Variants in SPEN observed in about 807,000 individuals in gnomAD.
SPEN encodes spen family transcriptional repressor, also known as msx2-interacting protein.
In SPEN, 18 loss-of-function variants were observed where a neutral mutation model predicts 269.9. The observed-to-expected ratio is 0.07, with a 90% CI of 0.05 to 0.10. SPEN has a LOEUF of 0.10. Ranked by LOEUF, SPEN falls within the 10% of genes least tolerant of loss-of-function variation. The pLI is 1.00. For synonymous variants in SPEN, 1,726 were observed against 1,765.7 expected (o/e 0.98, Z 0.56); for missense variants, 3,822 against 4,631.2 (o/e 0.83, Z 5.07).
In SPEN at chr1:15,932,746, T is replaced by A. The variant is rs904085512; in HGVS notation, c.6506T>A (p.Met2169Lys). The change falls in exon 11 of 15, where the codon ATG becomes AAG. Residue 2169 changes from methionine to lysine, a missense_variant. By Grantham distance (95) the Met-to-Lys change is moderately conservative. Around this residue, in one of 16 missense-constraint regions of SPEN, gnomAD observed 727 missense variants for 737.9 expected, o/e 0.99. Transcript: ENST00000375759. This position sits in a 1 kb window ranked among gnomAD's most constrained non-coding sequence, Gnocchi z 4.2. ...SPEATQLAKQ[M>K]ELEQAVEHIA... ...GAAGCCACCCAGTTAGCCAAGCAGA[T>A]GGAGCTGGAGCAGGCCGTGGAACAC... 28 of 1,614,128 alleles carry A rather than the reference T, an allele frequency of 1.7e-5. No individual in the cohort carries two copies. Among genetic ancestry groups the A allele is most frequent in the Non-Finnish European group, 2.3e-5 (27 of 1,180,010 alleles).
rs759069846 is a variant in SPEN at position 15,933,360 on chromosome 1, A to G, written c.7120A>G (p.Thr2374Ala). 5.0e-6 allele frequency: 8 copies of G among 1,614,048 alleles called. No individual in the cohort carries two copies. The highest frequency in any genetic ancestry group is 1.3e-5 in the African/African-American group (1 of 74,908). The change falls in exon 11 of 15, where the codon ACA becomes GCA. Residue 2374 changes from threonine to alanine, a missense_variant. Coordinates refer to ENST00000375759, the MANE Select transcript of SPEN (RefSeq NM_015001.3). This position sits in a 1 kb window ranked among gnomAD's most constrained non-coding sequence, Gnocchi z 5.7. ...GAGTCCTGCTGCAAATGAGGGGACA[A>G]CAGTACAGCACCCCGAAGCCCCACA... ...GESPAANEGTTVQHPEAPQEE... is the reference protein window; with the variant it reads ...GESPAANEGTAVQHPEAPQEE...
intron 10 of SPEN, 115 bp downstream of exon 10, chr1:15,922,464 T>C: frequency 1.5e-6 from 1 of 646,822 alleles, no homozygotes; most frequent in Non-Finnish European, 2.6e-6. Flanking sequence ...TCTTCTAGAA[T>C]AGAGAATGCT....
intron 3 of SPEN, among the ~76,000 whole-genome samples, chr1:15,898,272 T>G (rs1457791766): frequency 1.3e-5 from 2 of 151,420 alleles, no homozygotes; most frequent in Non-Finnish European, 2.9e-5. Context: ...TTAAATACAT[T>G]GACATTATTT....
chr1:15,933,564 G>A lies in SPEN; in HGVS notation c.7324G>A (p.Glu2442Lys). The stretch of plus-strand genomic sequence containing the variant: ...ACCTCCCCAGCCAGCACCGGTGGAT[G>A]AGGAGCCTCAAGCCAGGTTCAGGGT... ...PPPPQPAPVD[E>K]EPQARFRVHS... Residue 2442 changes from glutamate to lysine, a missense_variant, in exon 11 of 15, where the codon GAG becomes AAG. Glu to Lys is a moderately conservative substitution (Grantham distance 56). Around this residue, in one of 16 missense-constraint regions of SPEN, gnomAD observed 727 missense variants for 737.9 expected, o/e 0.99. Transcript: ENST00000375759. This position sits in a 1 kb window ranked among gnomAD's most constrained non-coding sequence, Gnocchi z 5.7. 3 of 1,613,992 alleles carry A rather than the reference G, an allele frequency of 1.9e-6. No individual in the cohort carries two copies. Among genetic ancestry groups the A allele is most frequent in the Non-Finnish European group, 1.7e-6 (2 of 1,179,936 alleles).
rs1557761890 is a variant in SPEN, at chr1:15,934,328, T to A, written c.8088T>A (p.Pro2696=). Residue 2696 remains proline (P), a synonymous_variant, in exon 11 of 15, where the codon CCT becomes CCA. Coordinates refer to ENST00000375759, the MANE Select transcript of SPEN (RefSeq NM_015001.3). The surrounding 1 kb of genome is among the most constrained non-coding windows in gnomAD (Gnocchi z 9.2). ...PAGPVNVLKG[P]VNVLTGPVNV... is the part of the protein sequence containing the mutation. Reference sequence around the variant, plus strand: ...GGCCCGTGAACGTCCTGAAAGGGCCTGTGAATGTTCTTACGGGGCCAGTGA... The same window carrying A: ...GGCCCGTGAACGTCCTGAAAGGGCCAGTGAATGTTCTTACGGGGCCAGTGA... The A allele has an allele frequency of 6.2e-7, 1 of 1,613,878 alleles. No homozygotes were observed. The highest frequency in any genetic ancestry group is 8.5e-7 in the Non-Finnish European group (1 of 1,180,032).
chr1:15,853,985 G>C (rs1382972790), intron 1 of SPEN, among the ~76,000 whole-genome samples: 1 of 151,900 alleles, frequency 6.6e-6, no homozygotes, highest in Non-Finnish European at 1.5e-5. Flanking sequence ...ATTTTTATTA[G>C]AGTTGGGGTT....
rs888313017 is a variant in SPEN, at chr1:15,874,249, T to C, written c.404+1113T>C. The C allele has an allele frequency of 2.2e-6, 3 of 1,366,364 alleles. No homozygotes were observed. The African/African-American group carries it at 4.4e-5, about 20-fold the overall frequency. The allele number at this position is 1,366,364 out of a possible 1,614,324, so 84.6% of individuals were successfully genotyped here. The stretch of plus-strand genomic sequence containing the variant: ...GGTCACTAAGATTTTTTTTTTCTTG[T>C]GGTTCATCTAAATATCATTTGACAC... On this transcript the variant is annotated intron_variant, in intron 2 of 14. Coordinates refer to ENST00000375759, the MANE Select transcript of SPEN (RefSeq NM_015001.3).
At chr1:15,907,208 G>A (rs1383167084) in intron 3 of SPEN, among the ~76,000 whole-genome samples, 1 of 152,170 alleles carries the variant, frequency 6.6e-6, no homozygotes, top group Non-Finnish European at 1.5e-5. Flanking sequence ...GCGGCTGGAT[G>A]TGTTGGCTCA....
chr1:15,876,398 T>A lies in SPEN; in HGVS notation c.601T>A (p.Tyr201Asn). The A allele has an allele frequency of 6.2e-7, 1 of 1,614,042 alleles. No homozygotes were observed. The highest frequency in any genetic ancestry group is 1.3e-5 in the African/African-American group (1 of 74,992). ...TCGCTTTGATGCTCATGACCCCCGATATGAACCTAGGGCTCGCGAGCAGTT... is the reference window on the plus strand; with the variant it reads ...TCGCTTTGATGCTCATGACCCCCGAAATGAACCTAGGGCTCGCGAGCAGTT... ...PNRFDAHDPR[Y>N]EPRAREQFTL... Residue 201 changes from tyrosine to asparagine, a missense_variant, in exon 3 of 15, where the codon TAT (tyrosine) becomes AAT (asparagine). Coordinates refer to ENST00000375759, the MANE Select transcript of SPEN (RefSeq NM_015001.3).
chr1:15,911,848 C>G (rs1253280858), intron 5 of SPEN, among the ~76,000 whole-genome samples: 1 of 152,186 alleles, frequency 6.6e-6, no homozygotes, highest in East Asian at 1.9e-4. Context: ...GTAATCCCAG[C>G]TACTTGGGAG....
chr1:15,860,359 C>T (rs1281321940), intron 1 of SPEN, among the ~76,000 whole-genome samples: 1 of 148,584 alleles, frequency 6.7e-6, no homozygotes. Flanking sequence ...CTCATCTCAG[C>T]CTCCCAAGTA....
Position 15,931,478 on chromosome 1 carries a change from G to A in SPEN, c.5238G>A (p.Glu1746=). ...PTPGASFSQA[E]SNVDPEPDST... ...CCGGGGCCTCGTTTTCCCAGGCAGAGAGCAACGTAGATCCAGAGCCTGACA... is the reference window on the plus strand; with the variant it reads ...CCGGGGCCTCGTTTTCCCAGGCAGAAAGCAACGTAGATCCAGAGCCTGACA... The change falls in exon 11 of 15, where the codon GAG becomes GAA. Residue 1746 remains glutamate, a synonymous_variant. Transcript: ENST00000375759. This position sits in a 1 kb window ranked among gnomAD's most constrained non-coding sequence, Gnocchi z 4.8. 1 of 1,614,170 alleles carries A rather than the reference G, an allele frequency of 6.2e-7. No homozygotes were observed. Among genetic ancestry groups the A allele is most frequent in the East Asian group, 2.2e-5 (1 of 44,880 alleles).
At chr1:15,901,765 C>CT (rs1437095739) in intron 3 of SPEN, among the ~76,000 whole-genome samples, 1 of 151,138 alleles carries the variant, frequency 6.6e-6, no homozygotes, top group Non-Finnish European at 1.5e-5. Context: ...GTTTTTAAAA[C>CT]TTTCTAGGCT....
At chr1:15,864,940 G>A (rs569570328) in intron 1 of SPEN, among the ~76,000 whole-genome samples, 48 of 151,624 alleles carry the variant, frequency 3.2e-4, no homozygotes, top group Admixed American at 3.1e-3. Flanking sequence ...ACCTCAAATC[G>A]TCCTCGCGCC....
intron 10 of SPEN, among the ~76,000 whole-genome samples, chr1:15,926,113 AGGCCAGGC>A (rs2071163704): frequency 6.6e-6 from 1 of 152,200 alleles, no homozygotes; most frequent in African/African-American, 2.4e-5. Context: ...TACATATAAT[AGGCCAGGC>A]ACAGTGGCTC....
At chr1:15,883,686 A>G (rs1039117854) in intron 3 of SPEN, among the ~76,000 whole-genome samples, 9 of 151,768 alleles carry the variant, frequency 5.9e-5, no homozygotes, top group Non-Finnish European at 1.0e-4. Flanking sequence ...CTTATTACTG[A>G]TGGTATTCTT....
chr1:15,934,672 C>G lies in SPEN; in HGVS notation c.8432C>G (p.Ser2811Cys). 6.2e-7 allele frequency: 1 copy of G among 1,614,166 alleles called. No individual in the cohort carries two copies. Among genetic ancestry groups the G allele is most frequent in the Non-Finnish European group, 8.5e-7 (1 of 1,180,038 alleles). Residue 2811 changes from serine to cysteine, a missense_variant, in exon 11 of 15, where the codon TCT becomes TGT. Transcript: ENST00000375759. This position sits in a 1 kb window ranked among gnomAD's most constrained non-coding sequence, Gnocchi z 9.2. ...GGGGCGGGGCTGCGTGTGAACACTT[C>G]TGAAGGGGTTGTGCTCCTGAGTTAC... Reference protein sequence around the residue: ...GSGAGLRVNTSEGVVLLSYSG... With the variant: ...GSGAGLRVNTCEGVVLLSYSG...
At position 15,939,994 on chromosome 1, in the gene SPEN, GCCA is replaced by G; in HGVS notation, c.*570_*572del. The G allele has an allele frequency of 4.3e-6, 1 of 231,462 alleles. No homozygotes were observed. The highest frequency in any genetic ancestry group is 8.6e-6 in the Non-Finnish European group (1 of 116,932). 14.3% of individuals were successfully genotyped at this position (231,462 alleles called of 1,614,324 possible). On this transcript the variant is annotated 3_prime_UTR_variant, in exon 15 of 15. Coordinates refer to ENST00000375759, the MANE Select transcript of SPEN (RefSeq NM_015001.3). This position sits in a 1 kb window ranked among gnomAD's most constrained non-coding sequence, Gnocchi z 4.1. ...GATGCGTCACCTTAATTCTCCTGCT[GCCA>G]CCGTCTTTGATTCACCGGGATGTAC...
intron 3 of SPEN, among the ~76,000 whole-genome samples, chr1:15,905,702 A>G (rs563054632): frequency 6.3e-4 from 95 of 151,838 alleles, no homozygotes; most frequent in Middle Eastern, 3.4e-3. Flanking sequence ...CCTCCCGAGT[A>G]GCTGGGACTA....
Sources: allele counts gnomAD v4.1 joint callset (sites outside exome capture counted in the v4.1 genomes callset), GRCh38; gene constraint gnomAD v4.1.1; regional missense constraint gnomAD v4.1.1; non-coding constraint Gnocchi (gnomAD v3.1); transcripts MANE v1.5; gene names NCBI Gene and HGNC (gene_info 2026-07-23, HGNC 2026-07-21).